Variants in MYRIP observed in about 807,000 individuals in gnomAD.
MYRIP encodes the protein myosin VIIA and Rab interacting protein.
MYRIP carries 49 observed loss-of-function variants against 98.0 expected under a neutral mutation model. The ratio of observed to expected loss-of-function variants is 0.50; its 90% CI spans 0.40 to 0.63. The LOEUF is 0.63. MYRIP is among the 30% of genes least tolerant of loss of function. The probability of loss-of-function intolerance (pLI) is 0.00; values close to 1 mark genes in which losing one functional copy is unlikely to be tolerated. For missense variants in MYRIP, 1,004 were observed against 1,058.2 expected (o/e 0.95, Z 0.71); for synonymous variants, 404 against 409.5 (o/e 0.99, Z 0.16).
At chr3:40,253,341 C>T (rs1224185935) in intron 16 of MYRIP, among the ~76,000 whole-genome samples, 2 of 152,172 alleles carry the variant, frequency 1.3e-5, no homozygotes, top group African/African-American at 2.4e-5. Context: ...TCACTTGTTC[C>T]CTAAATAGGG....
At chr3:39,986,085 G>T (rs1229641662) in intron 2 of MYRIP, among the ~76,000 whole-genome samples, 1 of 152,190 alleles carries the variant, frequency 6.6e-6, no homozygotes, top group African/African-American at 2.4e-5. Flanking sequence ...TTTTTAAACA[G>T]AAGTTTCTCA....
chr3:40,044,017 C>A (rs1175155703), intron 2 of MYRIP, 33 bp from the exon 3 acceptor site: 1 of 1,601,904 alleles, frequency 6.2e-7, no homozygotes, highest in African/African-American at 1.3e-5. Context: ...GTGTTTCTCT[C>A]CTCCTCCCAT....
At chr3:40,102,297 G>A (rs986014980) in intron 3 of MYRIP, among the ~76,000 whole-genome samples, 2 of 152,184 alleles carry the variant, frequency 1.3e-5, no homozygotes, top group Admixed American at 1.3e-4. Context: ...TATTTCATCT[G>A]CCTGCATTCT....
chr3:40,133,353 G>A (rs1230520811), intron 3 of MYRIP, among the ~76,000 whole-genome samples: 6 of 152,164 alleles, frequency 3.9e-5, no homozygotes, highest in Non-Finnish European at 8.8e-5. Context: ...CATCTTGGGA[G>A]GCCTGATGTA....
At chr3:39,898,311 G>A (rs1358792361) in intron 1 of MYRIP, among the ~76,000 whole-genome samples, 1 of 152,130 alleles carries the variant, frequency 6.6e-6, no homozygotes, top group Non-Finnish European at 1.5e-5. Flanking sequence ...GTTGTGATTT[G>A]TTGGTTAAAT....
Position 40,198,901 on chromosome 3 carries a change from C to G in MYRIP, c.1665+8438C>G, listed in dbSNP as rs192568873. On this transcript the variant is annotated intron_variant, in intron 10 of 16. Coordinates refer to ENST00000302541, the MANE Select transcript of MYRIP (RefSeq NM_015460.4). ...TCCAGAAATAATTTAAAGTGGCTTA[C>G]ATAAATATGAACAGGAGAAAATAAA... 2.4e-4 allele frequency among the ~76,000 whole-genome samples: 36 copies of G among 151,984 alleles called. 1 individual carries two copies. The East Asian group carries it at 6.2e-3, about 26-fold the overall frequency.
intron 1 of MYRIP, among the ~76,000 whole-genome samples, chr3:39,891,607 T>G (rs1221530335): frequency 6.6e-6 from 1 of 152,140 alleles, no homozygotes; most frequent in Non-Finnish European, 1.5e-5. Context: ...ATCAATGGTA[T>G]TTAATTTAAA....
In MYRIP at chr3:40,087,453, A is replaced by G. The variant is rs190442705; in HGVS notation, c.332+43182A>G. Among the ~76,000 whole-genome samples, 416 of 152,256 alleles carry G rather than the reference A, an allele frequency of 2.7e-3. 3 individuals carry two copies. The highest frequency in any genetic ancestry group is 4.0e-3 in the Admixed American group (61 of 15,298). On this transcript the variant is annotated intron_variant, in intron 3 of 16. Transcript: ENST00000302541. ...AACAGAACAAAGAATACAAACTGAA[A>G]TGTCTGCTTCAAGAAGGGAGTGTGT...
intron 1 of MYRIP, among the ~76,000 whole-genome samples, chr3:39,824,538 T>C (rs1366741885): frequency 1.3e-5 from 2 of 152,080 alleles, no homozygotes; most frequent in Non-Finnish European, 2.9e-5. Context: ...TTATCAGTGT[T>C]TTATATAGTT....
intron 9 of MYRIP, 109 bp from the exon 10 acceptor site, chr3:40,189,717 T>A (rs896762875): frequency 1.6e-6 from 2 of 1,214,838 alleles, no homozygotes; most frequent in Admixed American, 4.6e-5. Context: ...AGGCAACTGC[T>A]CTCCAACAGC....
chr3:39,977,398 C>A (rs1373847099), intron 2 of MYRIP, among the ~76,000 whole-genome samples: 1 of 152,166 alleles, frequency 6.6e-6, no homozygotes. Context: ...ACATGCCCCC[C>A]AGTTGACGAT....
At position 39,912,588 on chromosome 3, in the gene MYRIP, AT is replaced by A. The variant is rs368518675; in HGVS notation, c.110+11664del. Among the ~76,000 whole-genome samples, 31 of 152,368 alleles carry A rather than the reference AT, an allele frequency of 2.0e-4. No individual in the cohort carries two copies. The East Asian group carries it at 5.0e-3, about 25-fold the overall frequency. On this transcript the variant is annotated intron_variant, in intron 2 of 16. Transcript: ENST00000302541. ...TAGACTATATAAAAGAGGCTTGATT[AT>A]TCCCTGTACAACCCCATATAACACT... is the stretch of plus-strand genomic sequence containing the variant.
At chr3:40,171,755 A>G (rs1476710707) in intron 8 of MYRIP, among the ~76,000 whole-genome samples, 1 of 152,216 alleles carries the variant, frequency 6.6e-6, no homozygotes. Context: ...TGCAGCCAAC[A>G]CAGTCTTTAT....
At chr3:40,033,979 C>T (rs1947319542) in intron 2 of MYRIP, among the ~76,000 whole-genome samples, 1 of 152,026 alleles carries the variant, frequency 6.6e-6, no homozygotes, top group African/African-American at 2.4e-5. Context: ...GGAAAGGATT[C>T]CCTATTTAAT....
intron 13 of MYRIP, among the ~76,000 whole-genome samples, chr3:40,245,573 C>T (rs1220333493): frequency 6.8e-5 from 10 of 146,194 alleles, no homozygotes; most frequent in African/African-American, 1.5e-4. Context: ...GGCATGAACC[C>T]GGGAGGCAGA....
At chr3:40,174,371 T>C (rs1950699143) in intron 8 of MYRIP, 1 of 152,240 alleles carries the variant, frequency 6.6e-6, no homozygotes, top group African/African-American at 2.4e-5. Flanking sequence ...CAGCATACTT[T>C]TGTCAACAAT....
intron 11 of MYRIP, among the ~76,000 whole-genome samples, chr3:40,214,066 A>T (rs1952043048): frequency 6.6e-6 from 1 of 152,092 alleles, no homozygotes; most frequent in African/African-American, 2.4e-5. Flanking sequence ...GTTTCCTGGG[A>T]TTGCCTCCCA....
intron 1 of MYRIP, among the ~76,000 whole-genome samples, chr3:39,892,856 A>G (rs1285346561): frequency 6.6e-6 from 1 of 152,202 alleles, no homozygotes; most frequent in African/African-American, 2.4e-5. Flanking sequence ...AGCACTTCCA[A>G]TAAAATGCTT....
At chr3:39,938,541 C>A (rs1436326608) in intron 2 of MYRIP, among the ~76,000 whole-genome samples, 1 of 152,128 alleles carries the variant, frequency 6.6e-6, no homozygotes, top group Non-Finnish European at 1.5e-5. Context: ...CAGATATTGC[C>A]AAATAGTTTT....
Sources: allele counts gnomAD v4.1 joint callset (sites outside exome capture counted in the v4.1 genomes callset), GRCh38; gene constraint gnomAD v4.1.1; transcripts MANE v1.5; gene names NCBI Gene and HGNC (gene_info 2026-07-23, HGNC 2026-07-21).